CD6: variants seen among roughly 807,000 people sequenced by gnomAD.
The protein encoded by CD6 is T-cell differentiation antigen CD6.
CD6 carries 53 observed loss-of-function variants against 75.3 expected under a neutral mutation model. The ratio of observed to expected loss-of-function variants is 0.70; its 90% CI spans 0.56 to 0.88. The LOEUF (loss-of-function observed/expected upper bound fraction) is 0.88. CD6 is among the 40% of genes least tolerant of loss of function. The pLI is 0.00. For missense variants in CD6, 770 were observed against 897.1 expected, an observed-to-expected ratio of 0.86 and a Z score of 1.81; for synonymous variants, 359 against 381.5, an observed-to-expected ratio of 0.94 and a Z score of 0.69.
Position 61,013,510 on chromosome 11 carries a change from T to G in CD6, c.1238T>G (p.Leu413Arg), listed in dbSNP as rs1200493130. The G allele has an allele frequency of 3.1e-6, 5 of 1,614,146 alleles. No individual in the cohort carries two copies. The highest frequency in any genetic ancestry group is 4.2e-6 in the Non-Finnish European group (5 of 1,179,980). Reference sequence around the variant, plus strand: ...TCCATCGTTCTGGGAATTCTCCTCCTTGGCTCCCTCATCTTCATAGCCTTC... The same window carrying G: ...TCCATCGTTCTGGGAATTCTCCTCCGTGGCTCCCTCATCTTCATAGCCTTC... ...IPSIVLGILLLGSLIFIAFIL... is the reference protein window; with the variant it reads ...IPSIVLGILLRGSLIFIAFIL... The change falls in exon 7 of 13, where the codon CTT becomes CGT. Residue 413 changes from leucine (L) to arginine (R), a missense_variant. Transcript: ENST00000313421.
Position 61,011,138 on chromosome 11 carries a change from A to G in CD6, c.1150+3A>G, listed in dbSNP as rs1359554530. 1.9e-6 allele frequency: 3 copies of G among 1,611,710 alleles called. No homozygotes were observed. The highest frequency in any genetic ancestry group is 3.3e-5 in the Admixed American group (2 of 59,916). On this transcript the variant is annotated splice_donor_region_variant and intron_variant, in intron 6 of 12. Transcript: ENST00000313421. ...AAGTGTTCAGACAGTCACTATAGGT[A>G]AGTGTTGCTGGGTACTACGCGGTTT...
At chr11:61,008,208 C>T (rs1022886968) in intron 3 of CD6, 8 of 441,012 alleles carry the variant, frequency 1.8e-5, no homozygotes, top group Non-Finnish European at 2.8e-5. Flanking sequence ...CGCCGCTTCC[C>T]TGTCCCCGCC....
chr11:60,976,599 C>T (rs1195747316), intron 1 of CD6, among the ~76,000 whole-genome samples: 2 of 152,134 alleles, frequency 1.3e-5, no homozygotes, highest in African/African-American at 4.8e-5. Flanking sequence ...AACAATGGCG[C>T]CATTGCAGGT....
chr11:60,990,811 T>C, intron 1 of CD6, among the ~76,000 whole-genome samples: 1 of 52,650 alleles, frequency 1.9e-5, no homozygotes, highest in Non-Finnish European at 5.8e-5. Context: ...ACTGGACATA[T>C]TGTTCTGAAA....
At chr11:61,008,202 G>C (rs1052749086) in intron 3 of CD6, 1 of 431,918 alleles carries the variant, frequency 2.3e-6, no homozygotes. Flanking sequence ...TGGGCCCGCC[G>C]CTTCCCTGTC....
At chr11:60,992,536 G>C (rs1858105942) in intron 1 of CD6, among the ~76,000 whole-genome samples, 1 of 152,036 alleles carries the variant, frequency 6.6e-6, no homozygotes, top group Non-Finnish European at 1.5e-5. Flanking sequence ...TTCTAAAAGA[G>C]GGACCTGAGG....
chr11:61,013,146 T>A lies in CD6; in HGVS notation c.1151-277T>A, dbSNP rs562162146. ...TGTCTATTGAACAAAGACTACATAC[T>A]GAAGAGCTAGCAGACAGATAGATCT... is the stretch of plus-strand genomic sequence containing the variant. On this transcript the variant is annotated intron_variant, in intron 6 of 12. Transcript: ENST00000313421. Among the ~76,000 whole-genome samples the A allele has an allele frequency of 7.7e-4, 118 of 152,332 alleles. 2 individuals are homozygous for A. In the South Asian group the frequency reaches 0.024, roughly 31 times the overall value.
At chr11:61,001,198 CTT>C (rs143567183) in intron 1 of CD6, among the ~76,000 whole-genome samples, 73 of 110,336 alleles carry the variant, frequency 6.6e-4, no homozygotes, top group South Asian at 3.3e-3. Context: ...GATGATGTGT[CTT>C]TTTTTTTTTT....
chr11:60,982,560 C>A (rs1411566026), intron 1 of CD6: 2 of 455,750 alleles, frequency 4.4e-6, no homozygotes, highest in Non-Finnish European at 8.8e-6. Context: ...CTGGAGGAGG[C>A]CCGTTCCCCA....
chr11:60,987,827 C>T (rs1306187611), intron 1 of CD6: 1 of 151,942 alleles, frequency 6.6e-6, no homozygotes, highest in Non-Finnish European at 1.5e-5. Context: ...GTTTTTTTTC[C>T]AGAGTACTTA....
chr11:61,010,951 G>A (rs986236329), intron 5 of CD6, 119 bp from the exon 6 acceptor site: 2 of 863,532 alleles, frequency 2.3e-6, no homozygotes, highest in Non-Finnish European at 3.9e-6. Context: ...TGTCCCTGAT[G>A]GGAGCACAAC....
At chr11:61,014,112 C>G (rs1320778258) in intron 8 of CD6, 98 bp downstream of exon 8, 1 of 842,210 alleles carries the variant, frequency 1.2e-6, no homozygotes, top group African/African-American at 1.7e-5. Flanking sequence ...GACGTACACA[C>G]AGCTGGAGAT....
intron 1 of CD6, among the ~76,000 whole-genome samples, chr11:60,984,645 G>C (rs1343586702): frequency 6.6e-6 from 1 of 152,214 alleles, no homozygotes; most frequent in African/African-American, 2.4e-5. Context: ...TTTTAAAATA[G>C]TATCATTTCA....
At chr11:60,997,365 C>T (rs373433723) in intron 1 of CD6, among the ~76,000 whole-genome samples, 3 of 140,136 alleles carry the variant, frequency 2.1e-5, no homozygotes, top group African/African-American at 8.1e-5. Context: ...GGTGATAGGG[C>T]GAGACTCCGT....
At chr11:60,981,293 C>T (rs1246895391) in intron 1 of CD6, among the ~76,000 whole-genome samples, 1 of 152,182 alleles carries the variant, frequency 6.6e-6, no homozygotes, top group African/African-American at 2.4e-5. Context: ...CTAGATCGCA[C>T]CACTAATAGA....
chr11:60,999,698 C>T (rs1438057915), intron 1 of CD6, among the ~76,000 whole-genome samples: 3 of 151,946 alleles, frequency 2.0e-5, no homozygotes, highest in Non-Finnish European at 4.4e-5. Flanking sequence ...CAGTTGTCTC[C>T]GGTTTGAATT....
At position 61,009,723 on chromosome 11, in the gene CD6, G is replaced by A. The variant is rs368097295; in HGVS notation, c.933G>A (p.Ala311=). The A allele has an allele frequency of 6.8e-6, 11 of 1,613,958 alleles. No individual in the cohort carries two copies. Among genetic ancestry groups the A allele is most frequent in the Admixed American group, 6.7e-5 (4 of 60,002 alleles). The change falls in exon 5 of 13, where the codon GCG becomes GCA. Residue 311 remains alanine, a synonymous_variant. Coordinates refer to ENST00000313421, the MANE Select transcript of CD6 (RefSeq NM_006725.5). The part of the protein sequence containing the change: ...VLCQSLGCGT[A]VERPKGLPHS... ...GCCAGTCCTTGGGCTGTGGAACTGC[G>A]GTTGAGAGGCCCAAGGGGCTGCCCC...
chr11:60,971,874 C>G lies in CD6; in HGVS notation c.9C>G (p.Leu3=), dbSNP rs188319227. The G allele has an allele frequency of 1.9e-5, 30 of 1,613,946 alleles. No individual in the cohort carries two copies. The highest frequency in any genetic ancestry group is 1.8e-4 in the Admixed American group (11 of 60,024). ...CAGAGACAGCTCCAGACATGTGGCT[C>G]TTCTTCGGGATCACTGGATTGCTGA... is the stretch of plus-strand genomic sequence containing the variant. MW[L]FFGITGLLTA... The change falls in exon 1 of 13, where the codon CTC becomes CTG. Residue 3 remains leucine (L), a synonymous_variant. Coordinates refer to ENST00000313421, the MANE Select transcript of CD6 (RefSeq NM_006725.5).
intron 1 of CD6, among the ~76,000 whole-genome samples, chr11:60,986,252 G>A (rs964078077): frequency 2.0e-5 from 3 of 152,190 alleles, no homozygotes; most frequent in African/African-American, 7.2e-5. Context: ...CACACAACCC[G>A]GCTGTTTGTT....
Sources: gnomAD v4.1 joint callset for allele counts (sites outside exome capture counted in the v4.1 genomes callset) on GRCh38, gnomAD v4.1.1 for gene constraint, MANE v1.5 for transcripts, NCBI Gene and HGNC (gene_info 2026-07-23, HGNC 2026-07-21) for gene names.